The following VWA8 variants were observed in gnomAD, a reference collection of about 807,000 sequenced individuals.
VWA8 encodes the protein von Willebrand factor A domain containing 8, also known as von Willebrand factor A domain-containing protein 8.
VWA8 carries 221 observed loss-of-function variants against 241.5 expected under a neutral mutation model. The observed-to-expected ratio is 0.91, with a 90% CI of 0.82 to 1.02. VWA8 has a LOEUF of 1.02. VWA8 is among the 50% of genes least tolerant of loss of function. VWA8 has a pLI of 0.00. For synonymous variants in VWA8, 852 were observed against 827.1 expected, an observed-to-expected ratio of 1.03 and a Z score of -0.52; for missense variants, 2,322 against 2,328.7, an observed-to-expected ratio of 1.00 and a Z score of 0.06.
chr13:41,895,602 C>A (rs1875062221), intron 4 of VWA8, among the ~76,000 whole-genome samples: 1 of 152,086 alleles, frequency 6.6e-6, no homozygotes, highest in African/African-American at 2.4e-5. Flanking sequence ...TTTTTCAAAT[C>A]ATCATCAACT....
At chr13:41,760,618 T>A (rs897224648) in intron 21 of VWA8, among the ~76,000 whole-genome samples, 1 of 151,932 alleles carries the variant, frequency 6.6e-6, no homozygotes, top group African/African-American at 2.4e-5. Context: ...ATGACCCATA[T>A]TGAGAAAAAC....
At chr13:41,662,317 A>G (rs1459633347) in intron 37 of VWA8, among the ~76,000 whole-genome samples, 2 of 152,112 alleles carry the variant, frequency 1.3e-5, no homozygotes, top group African/African-American at 4.8e-5. Context: ...TCTTTCATTA[A>G]TGTTTTACAG....
At chr13:41,741,615 G>T (rs9566840) in intron 21 of VWA8, among the ~76,000 whole-genome samples, 42,179 of 151,936 alleles carry the variant, frequency 0.28, 6,279 homozygotes, top group Non-Finnish European at 0.33. Flanking sequence ...TACACCTAGT[G>T]TCTATCATTA....
At position 41,700,239 on chromosome 13, in the gene VWA8, A is replaced by C. The variant is rs538980076; in HGVS notation, c.3365-969T>G. Among the ~76,000 whole-genome samples the C allele has an allele frequency of 9.2e-5, 14 of 152,222 alleles. No individual in the cohort carries two copies. The South Asian group carries it at 2.9e-3, about 32-fold the overall frequency. ...GGGACTACCCTGGAAAATCTGGAAC[A>C]CTATGTGTGTCTGTGTGTGTATGCA... On this transcript the variant is annotated intron_variant, in intron 28 of 44. Transcript: ENST00000379310.
intron 9 of VWA8, among the ~76,000 whole-genome samples, chr13:41,881,622 A>G (rs974053927): frequency 1.8e-4 from 27 of 148,926 alleles, no homozygotes; most frequent in African/African-American, 6.0e-4. Context: ...GGGGCTCCTC[A>G]CTTCCCAGTA....
At chr13:41,575,990 C>T (rs995880488) in intron 42 of VWA8, 152 bp from the exon 43 acceptor site, 8 of 583,272 alleles carry the variant, frequency 1.4e-5, no homozygotes, top group Non-Finnish European at 2.1e-5. Flanking sequence ...GTGTTTAATT[C>T]TCTAATCTCA....
chr13:41,573,618 T>TATATATATATATATATATATATATATA, intron 43 of VWA8, among the ~76,000 whole-genome samples: 1 of 147,234 alleles, frequency 6.8e-6, no homozygotes, highest in African/African-American at 2.5e-5. Flanking sequence ...CGCATATATA[T>TATATATATATATATATATATATATATA]GGTGTGTGTG....
chr13:41,691,532 C>T, intron 31 of VWA8, 87 bp from the exon 32 acceptor site: 1 of 1,451,280 alleles, frequency 6.9e-7, no homozygotes, highest in Non-Finnish European at 9.2e-7. Flanking sequence ...ATACATTATG[C>T]AACCCATAAA....
At chr13:41,782,210 A>T (rs75596751) in intron 19 of VWA8, among the ~76,000 whole-genome samples, 1 of 152,358 alleles carries the variant, frequency 6.6e-6, no homozygotes, top group African/African-American at 2.4e-5. Context: ...CTAAATGTCC[A>T]TGTCACAAAC....
At chr13:41,815,435 A>G (rs143997403) in intron 16 of VWA8, among the ~76,000 whole-genome samples, 5 of 152,346 alleles carry the variant, frequency 3.3e-5, no homozygotes, top group East Asian at 1.9e-4. Flanking sequence ...ATGTTGCACT[A>G]TGTGTGTGGA....
intron 2 of VWA8, among the ~76,000 whole-genome samples, chr13:41,939,366 T>C (rs950914125): frequency 7.2e-5 from 11 of 152,090 alleles, no homozygotes; most frequent in South Asian, 2.1e-4. Context: ...CGTTTTCACA[T>C]AGAAAAGTAA....
At position 41,778,018 on chromosome 13, in the gene VWA8, G is replaced by A; in HGVS notation, c.2316C>T (p.Leu772=). The A allele has an allele frequency of 6.2e-7, 1 of 1,611,910 alleles. No individual in the cohort carries two copies. ...IVMEDMLKDF[L]LGEHLLLVGN... The stretch of plus-strand genomic sequence containing the variant: ...CAACCAATAATAAGTGTTCTCCAAG[G>A]AGAAAGTCTTTCAGCATATCTTCCA... Residue 772 remains leucine, a synonymous_variant, in exon 20 of 45, where the codon CTC becomes CTT. Coordinates refer to ENST00000379310, the MANE Select transcript of VWA8 (RefSeq NM_015058.2).
At chr13:41,908,348 C>G (rs1360930843) in intron 3 of VWA8, among the ~76,000 whole-genome samples, 1 of 152,086 alleles carries the variant, frequency 6.6e-6, no homozygotes, top group Non-Finnish European at 1.5e-5. Flanking sequence ...TGCCTGTAGT[C>G]CCTGCTACTC....
chr13:41,612,195 A>T (rs936976598), intron 38 of VWA8, among the ~76,000 whole-genome samples: 1 of 152,190 alleles, frequency 6.6e-6, no homozygotes, highest in Non-Finnish European at 1.5e-5. Flanking sequence ...TCCTTAAAAA[A>T]CCTAGACAGT....
At chr13:41,942,588 T>C (rs749237365) in intron 2 of VWA8, among the ~76,000 whole-genome samples, 3 of 152,128 alleles carry the variant, frequency 2.0e-5, no homozygotes, top group South Asian at 2.1e-4. Context: ...CCTAGCCACA[T>C]AGAAAACCTG....
Position 41,624,790 on chromosome 13 carries a change from C to T in VWA8, c.4612-9706G>A, listed in dbSNP as rs551677080. ...AGACAAGGATGCCCTCTCATTACTC[C>T]CATTCCACGCGGCACTGGAAGTCCT... On this transcript the variant is annotated intron_variant, in intron 37 of 44. Coordinates refer to ENST00000379310, the MANE Select transcript of VWA8 (RefSeq NM_015058.2). Among the ~76,000 whole-genome samples the T allele has an allele frequency of 3.3e-5, 5 of 152,158 alleles. No individual in the cohort carries two copies. The South Asian group carries it at 1.0e-3, about 32-fold the overall frequency.
intron 2 of VWA8, among the ~76,000 whole-genome samples, chr13:41,913,428 A>G (rs895730147): frequency 2.4e-4 from 36 of 152,204 alleles, no homozygotes; most frequent in Non-Finnish European, 7.4e-5. Context: ...TCTGTATTAC[A>G]TAATGTCTTT....
Position 41,868,400 on chromosome 13 carries a change from A to G in VWA8, c.1158T>C (p.His386=). ...GGATGGTCACAGAAGCTTGGGACAC[A>G]TGGTTTTCCATCATCTTCTCTACTT... ...IVKVEKMMEN[H]VSQASVTIRI... The change falls in exon 10 of 45, where the codon CAT becomes CAC. Residue 386 remains histidine (H), a synonymous_variant. Transcript: ENST00000379310. 1 of 1,614,106 alleles carries G rather than the reference A, an allele frequency of 6.2e-7. No homozygotes were observed.
At chr13:41,568,385 C>T in intron 44 of VWA8, 80 bp from the exon 45 acceptor site, 1 of 1,119,736 alleles carries the variant, frequency 8.9e-7, no homozygotes. Context: ...AACCACAGCC[C>T]CCTAATGGTT....
Sources: allele counts gnomAD v4.1 joint callset (sites outside exome capture counted in the v4.1 genomes callset), GRCh38; gene constraint gnomAD v4.1.1; transcripts MANE v1.5; gene names NCBI Gene and HGNC (gene_info 2026-07-23, HGNC 2026-07-21).